PDE4D: variants seen among roughly 807,000 people sequenced by gnomAD.
PDE4D encodes 3',5'-cyclic-AMP phosphodiesterase 4D.
PDE4D carries 24 observed loss-of-function variants against 87.4 expected under a neutral mutation model. The observed-to-expected ratio is 0.27, with a 90% CI of 0.20 to 0.39. The LOEUF (loss-of-function observed/expected upper bound fraction) is 0.39. Among genes scored for constraint, PDE4D ranks in the 10% least tolerant of loss-of-function variants. The probability of loss-of-function intolerance (pLI) is 1.00; values close to 1 mark genes in which losing one functional copy is unlikely to be tolerated. For missense variants in PDE4D, 714 were observed against 1,041.0 expected (o/e 0.69, Z 4.32); for synonymous variants, 384 against 383.2 (o/e 1.00, Z -0.02).
intron 1 of PDE4D, among the ~76,000 whole-genome samples, chr5:60,336,691 T>A (rs1757780354): frequency 6.6e-6 from 1 of 152,212 alleles, no homozygotes. Context: ...AGTGTCTGAA[T>A]GGCTGAATGA....
At chr5:59,189,014 C>G (rs1743578381) in intron 3 of PDE4D, among the ~76,000 whole-genome samples, 1 of 152,154 alleles carries the variant, frequency 6.6e-6, no homozygotes, top group Admixed American at 6.6e-5. Context: ...CTAGCACAGT[C>G]TGCAAGCTTG....
chr5:59,862,239 C>A (rs1746389099), intron 1 of PDE4D, among the ~76,000 whole-genome samples: 1 of 152,130 alleles, frequency 6.6e-6, no homozygotes, highest in Non-Finnish European at 1.5e-5. Flanking sequence ...GTTTCACCAG[C>A]TAACACATTT....
intron 2 of PDE4D, among the ~76,000 whole-genome samples, chr5:60,181,808 G>A (rs1562191835): frequency 6.6e-6 from 1 of 152,134 alleles, no homozygotes. Context: ...TTCTCCAGAT[G>A]AGAAGATTTA....
At chr5:60,365,772 G>A (rs1403107575) in intron 1 of PDE4D, among the ~76,000 whole-genome samples, 2 of 152,064 alleles carry the variant, frequency 1.3e-5, no homozygotes, top group Non-Finnish European at 2.9e-5. Context: ...GGCCAGGCGT[G>A]GTGGCTCACC....
Position 59,038,755 on chromosome 5 carries a change from T to TA in PDE4D, c.921+103dup, listed in dbSNP as rs1175976045. The TA allele has an allele frequency of 1.1e-5, 13 of 1,179,450 alleles. 1 individual carries two copies. The highest frequency in any genetic ancestry group is 5.5e-5 in the South Asian group (3 of 54,890). The allele number at this position is 1,179,450 out of a possible 1,614,324, so 73.1% of individuals were successfully genotyped here. ...CAGAATAGCCAACATGCAGTAAGCC[T>TA]AAAAAACCTCTCAATTTATTTCCCG... On this transcript the variant is annotated intron_variant, in intron 6 of 14. Transcript: ENST00000340635.
At chr5:59,277,395 T>C (rs984953949) in intron 1 of PDE4D, among the ~76,000 whole-genome samples, 1 of 152,178 alleles carries the variant, frequency 6.6e-6, no homozygotes, top group East Asian at 1.9e-4. Context: ...CCATGTCTAG[T>C]ATATTGCTGG....
At chr5:59,992,734 C>T (rs1189690931) in intron 2 of PDE4D, among the ~76,000 whole-genome samples, 1 of 152,056 alleles carries the variant, frequency 6.6e-6, no homozygotes, top group Non-Finnish European at 1.5e-5. Flanking sequence ...AGATAATTAT[C>T]TCTACTAAAA....
At chr5:59,758,449 T>C (rs902064281) in intron 1 of PDE4D, among the ~76,000 whole-genome samples, 10 of 152,204 alleles carry the variant, frequency 6.6e-5, no homozygotes, top group African/African-American at 2.2e-4. Context: ...AAGATCTCCT[T>C]TTGAGAATAA....
At chr5:59,765,315 G>C (rs149190802) in intron 1 of PDE4D, among the ~76,000 whole-genome samples, 89 of 152,320 alleles carry the variant, frequency 5.8e-4, no homozygotes, top group Middle Eastern at 3.4e-3. Context: ...GGTTTGACGA[G>C]AGGTTCAAGG....
At chr5:59,679,136 A>G (rs1748609279) in intron 1 of PDE4D, among the ~76,000 whole-genome samples, 1 of 152,216 alleles carries the variant, frequency 6.6e-6, no homozygotes, top group African/African-American at 2.4e-5. Context: ...CATGATATGT[A>G]TTACACAATC....
rs868647169 is a variant in PDE4D, at chr5:60,307,192, C to T, written c.-89-121505G>A. Among the ~76,000 whole-genome samples the T allele has an allele frequency of 3.0e-4, 46 of 151,834 alleles. No individual in the cohort carries two copies. In the Middle Eastern group the frequency reaches 0.01, roughly 34 times the overall value. On this transcript the variant is annotated intron_variant, in intron 1 of 16. Coordinates refer to the PDE4D transcript ENST00000502484. ...CAAGAGTTGTAAATACTTTAAACAA[C>T]GACACAGAAACAGAAGCATTATTTT...
At chr5:59,830,876 C>A (rs1021939447) in intron 1 of PDE4D, among the ~76,000 whole-genome samples, 2 of 151,970 alleles carry the variant, frequency 1.3e-5, no homozygotes, top group Admixed American at 1.3e-4. Context: ...GCTTAGTAAT[C>A]CTTCAAAATA....
At chr5:60,269,989 G>A (rs920251238) in intron 1 of PDE4D, among the ~76,000 whole-genome samples, 2 of 152,180 alleles carry the variant, frequency 1.3e-5, no homozygotes, top group Non-Finnish European at 2.9e-5. Flanking sequence ...TGAACCAGGG[G>A]AGAGACAGTG....
chr5:60,518,931 ATCCACAG>A (rs1750921594), intron 1 of PDE4D, among the ~76,000 whole-genome samples: 1 of 152,228 alleles, frequency 6.6e-6, no homozygotes, highest in African/African-American at 2.4e-5. Context: ...TAATCCATGC[ATCCACAG>A]TCACTGGGGA....
intron 3 of PDE4D, among the ~76,000 whole-genome samples, chr5:59,970,313 TA>T (rs1293329421): frequency 6.6e-6 from 1 of 152,092 alleles, no homozygotes. Flanking sequence ...ACTTCATGTC[TA>T]AAACACCAAA....
Position 60,095,936 on chromosome 5 carries a change from GTTCT to G in PDE4D, c.42+89617_42+89620del, listed in dbSNP as rs546947594. On this transcript the variant is annotated intron_variant, in intron 2 of 16. Coordinates refer to the PDE4D transcript ENST00000502484. Reference sequence around the variant, plus strand: ...TATCCTTCACCCTCTTTTTAATGGGGTTCTTTGTTTTTCTTCTTGTAAATTTGTT... The same window carrying G: ...TATCCTTCACCCTCTTTTTAATGGGGTTGTTTTTCTTCTTGTAAATTTGTT... Among the ~76,000 whole-genome samples, 403 of 151,996 alleles carry G rather than the reference GTTCT, an allele frequency of 2.7e-3. 2 individuals carry two copies. Among genetic ancestry groups the G allele is most frequent in the African/African-American group, 9.3e-3 (386 of 41,472 alleles).
chr5:60,302,199 G>A (rs1753963867), intron 1 of PDE4D, among the ~76,000 whole-genome samples: 1 of 152,158 alleles, frequency 6.6e-6, no homozygotes, highest in South Asian at 2.1e-4. Context: ...GAATGAGTTA[G>A]GGAGGAGTCC....
chr5:59,589,935 G>A (rs1825688596), intron 1 of PDE4D, among the ~76,000 whole-genome samples: 1 of 151,994 alleles, frequency 6.6e-6, no homozygotes, highest in South Asian at 2.1e-4. Flanking sequence ...AGAACAAAAG[G>A]AAACACAACT....
At chr5:58,983,578 T>C (rs546558250) in intron 11 of PDE4D, among the ~76,000 whole-genome samples, 3 of 152,180 alleles carry the variant, frequency 2.0e-5, no homozygotes, top group Non-Finnish European at 4.4e-5. Context: ...GAGTAGTTAG[T>C]TATCTTTCTT....
Sources: allele counts gnomAD v4.1 joint callset (sites outside exome capture counted in the v4.1 genomes callset), GRCh38; gene constraint gnomAD v4.1.1; transcripts MANE v1.5; gene names NCBI Gene and HGNC (gene_info 2026-07-23, HGNC 2026-07-21).